The following MDGA2 variants were observed in gnomAD, a reference collection of about 807,000 sequenced individuals.
MDGA2 encodes the protein MAM domain-containing glycosylphosphatidylinositol anchor protein 2.
A neutral mutation model predicts 117.8 loss-of-function variants in MDGA2; 40 were observed. That is an observed-to-expected ratio of 0.34 (90% CI 0.26 to 0.44). MDGA2 has a LOEUF of 0.44. MDGA2 is among the 20% of genes least tolerant of loss of function. MDGA2 has a pLI of 1.00. For synonymous variants in MDGA2, 452 were observed against 439.0 expected (o/e 1.03, Z -0.37); for missense variants, 1,123 against 1,250.6 (o/e 0.90, Z 1.54).
intron 7 of MDGA2, among the ~76,000 whole-genome samples, chr14:47,046,314 TTAAC>T (rs1889263341): frequency 6.6e-6 from 1 of 152,210 alleles, no homozygotes; most frequent in Non-Finnish European, 1.5e-5. Flanking sequence ...ATTCCTCAAA[TTAAC>T]TTTCTTAATC....
chr14:47,429,070 C>T (rs939522650), intron 1 of MDGA2, among the ~76,000 whole-genome samples: 1 of 151,834 alleles, frequency 6.6e-6, no homozygotes, highest in Non-Finnish European at 1.5e-5. Flanking sequence ...ACTAAAAATA[C>T]AAAAAGTAGC....
chr14:47,447,640 G>A (rs1594861321), intron 1 of MDGA2, among the ~76,000 whole-genome samples: 2 of 152,144 alleles, frequency 1.3e-5, no homozygotes, highest in South Asian at 4.1e-4. Flanking sequence ...CCGGACAGCA[G>A]TCCTAGCAAA....
At chr14:47,405,439 TCA>T (rs1892241173) in intron 1 of MDGA2, among the ~76,000 whole-genome samples, 8 of 152,184 alleles carry the variant, frequency 5.3e-5, no homozygotes, top group Admixed American at 5.2e-4. Context: ...TGAGAATTAA[TCA>T]TTCATTTCTC....
At chr14:47,038,118 G>C (rs1384715153) in intron 7 of MDGA2, among the ~76,000 whole-genome samples, 1 of 152,110 alleles carries the variant, frequency 6.6e-6, no homozygotes, top group African/African-American at 2.4e-5. Context: ...TTTTAGTAGA[G>C]TCAGGGTTTC....
intron 2 of MDGA2, among the ~76,000 whole-genome samples, chr14:47,265,500 G>C (rs1887937331): frequency 3.3e-5 from 5 of 151,686 alleles, no homozygotes. Context: ...TCATTAGTTG[G>C]TCTATTTTCT....
At chr14:47,056,270 A>G (rs988611018) in intron 7 of MDGA2, among the ~76,000 whole-genome samples, 1 of 152,062 alleles carries the variant, frequency 6.6e-6, no homozygotes, top group African/African-American at 2.4e-5. Flanking sequence ...TGTGTACTGT[A>G]GTCCTGTGTT....
intron 8 of MDGA2, among the ~76,000 whole-genome samples, chr14:46,993,050 T>C (rs58635965): frequency 0.018 from 2,719 of 151,910 alleles, 74 homozygotes; most frequent in African/African-American, 0.062. Context: ...TAGTTATTCA[T>C]TGTAAATAGT....
At chr14:47,475,150 G>A (rs570876670) in intron 1 of MDGA2, among the ~76,000 whole-genome samples, 240 of 151,962 alleles carry the variant, frequency 1.6e-3, no homozygotes, top group African/African-American at 5.3e-3. Flanking sequence ...AAACAACCCC[G>A]TTAAAAAGTG....
chr14:46,928,824 AC>A (rs369563825), intron 9 of MDGA2, among the ~76,000 whole-genome samples: 65 of 152,308 alleles, frequency 4.3e-4, no homozygotes, highest in African/African-American at 1.5e-3. Flanking sequence ...AATTACAAAA[AC>A]ATATCATAAT....
intron 4 of MDGA2, among the ~76,000 whole-genome samples, chr14:47,141,801 T>C (rs148505509): frequency 2.0e-5 from 3 of 152,318 alleles, no homozygotes; most frequent in African/African-American, 7.2e-5. Flanking sequence ...TAGTGTTCTA[T>C]TGCAGAATAA....
At chr14:47,126,433 C>G (rs1310796630) in intron 5 of MDGA2, among the ~76,000 whole-genome samples, 4 of 152,052 alleles carry the variant, frequency 2.6e-5, no homozygotes, top group Non-Finnish European at 1.5e-5. Context: ...CATAATGACA[C>G]TTCTGTGGCA....
intron 1 of MDGA2, among the ~76,000 whole-genome samples, chr14:47,470,366 T>C (rs1424411980): frequency 6.6e-6 from 1 of 151,240 alleles, no homozygotes; most frequent in Non-Finnish European, 1.5e-5. Flanking sequence ...ACATGCGGTG[T>C]TTGGTTTTCT....
At chr14:47,045,659 G>A (rs1889231350) in intron 7 of MDGA2, among the ~76,000 whole-genome samples, 1 of 151,990 alleles carries the variant, frequency 6.6e-6, no homozygotes, top group Non-Finnish European at 1.5e-5. Flanking sequence ...AAGAAACACT[G>A]GATTTGCTAT....
rs41359446 is a variant in MDGA2 at position 46,935,378 on chromosome 14, C to G, written c.2090-15218G>C. ...ACTACTTGATTCCCTGCTGAAGACTCAATCCCTAAAGTATCTAGTCAATCA... is the reference window on the plus strand; with the variant it reads ...ACTACTTGATTCCCTGCTGAAGACTGAATCCCTAAAGTATCTAGTCAATCA... On this transcript the variant is annotated intron_variant, in intron 9 of 16. Transcript: ENST00000399232. Among the ~76,000 whole-genome samples, 526 of 152,250 alleles carry G rather than the reference C, an allele frequency of 3.5e-3. 2 individuals carry two copies. Among genetic ancestry groups the G allele is most frequent in the African/African-American group, 0.012 (489 of 41,560 alleles).
chr14:47,039,928 CAAGT>C (rs1173128748), intron 7 of MDGA2, among the ~76,000 whole-genome samples: 1 of 152,034 alleles, frequency 6.6e-6, no homozygotes, highest in Non-Finnish European at 1.5e-5. Flanking sequence ...CACACACACA[CAAGT>C]AACTATGCAA....
At chr14:46,991,865 A>C (rs1023825163) in intron 8 of MDGA2, among the ~76,000 whole-genome samples, 2 of 152,142 alleles carry the variant, frequency 1.3e-5, no homozygotes, top group African/African-American at 4.8e-5. Flanking sequence ...TAGCTAGATC[A>C]CTATCTGTAA....
At chr14:46,881,334 A>G (rs1015904539) in intron 11 of MDGA2, among the ~76,000 whole-genome samples, 2 of 152,148 alleles carry the variant, frequency 1.3e-5, no homozygotes, top group Non-Finnish European at 2.9e-5. Context: ...GAGTAAACAT[A>G]TCATTGGTTG....
At chr14:47,498,797 T>C (rs1682391926) in intron 1 of MDGA2, among the ~76,000 whole-genome samples, 1 of 152,094 alleles carries the variant, frequency 6.6e-6, no homozygotes, top group African/African-American at 2.4e-5. Flanking sequence ...AAGCATATAG[T>C]ACTAATGAGA....
intron 1 of MDGA2, among the ~76,000 whole-genome samples, chr14:47,519,717 G>GC (rs1474660903): frequency 6.6e-6 from 1 of 151,826 alleles, no homozygotes; most frequent in East Asian, 1.9e-4. Context: ...CTTTTCATTT[G>GC]GAAAAAAAAT....
Sources: gnomAD v4.1 joint callset for allele counts (sites outside exome capture counted in the v4.1 genomes callset) on GRCh38, gnomAD v4.1.1 for gene constraint, MANE v1.5 for transcripts, NCBI Gene and HGNC (gene_info 2026-07-23, HGNC 2026-07-21) for gene names.